Variants in PRKCE observed in about 807,000 individuals in gnomAD.
The protein encoded by PRKCE is protein kinase C epsilon.
PRKCE carries 16 observed loss-of-function variants against 85.4 expected under a neutral mutation model. The ratio of observed to expected loss-of-function variants is 0.19; its 90% CI spans 0.13 to 0.28. PRKCE has a LOEUF of 0.28. PRKCE is among the 10% of genes least tolerant of loss of function. The probability of loss-of-function intolerance (pLI) is 1.00; values close to 1 mark genes in which losing one functional copy is unlikely to be tolerated. For synonymous variants in PRKCE, 388 were observed against 371.5 expected, an observed-to-expected ratio of 1.04 and a Z score of -0.51; for missense variants, 573 against 975.2, an observed-to-expected ratio of 0.59 and a Z score of 5.49.
intron 1 of PRKCE, among the ~76,000 whole-genome samples, chr2:45,762,929 CTTTCTTTTCT>C (rs369929767): frequency 3.8e-4 from 56 of 147,324 alleles, no homozygotes; most frequent in Middle Eastern, 3.5e-3. Context: ...TTGAGGTGTT[CTTTCTTTTCT>C]TTTCTTTTCT....
chr2:45,866,236 G>A (rs1346391086), intron 2 of PRKCE, among the ~76,000 whole-genome samples: 2 of 152,098 alleles, frequency 1.3e-5, no homozygotes, highest in South Asian at 2.1e-4. Context: ...CATCTGGAAG[G>A]CTTTAAAAGA....
At chr2:45,772,944 T>G (rs1685458825) in intron 1 of PRKCE, among the ~76,000 whole-genome samples, 1 of 151,432 alleles carries the variant, frequency 6.6e-6, no homozygotes, top group Admixed American at 6.6e-5. Context: ...CCGAATGGAG[T>G]GGTGATGGCA....
At chr2:45,941,285 G>T (rs916905277) in intron 2 of PRKCE, among the ~76,000 whole-genome samples, 3 of 152,158 alleles carry the variant, frequency 2.0e-5, no homozygotes, top group Non-Finnish European at 4.4e-5. Flanking sequence ...AGCATGTGGT[G>T]CATGTGCAGT....
intron 11 of PRKCE, among the ~76,000 whole-genome samples, chr2:46,136,023 C>A (rs1458346981): frequency 6.6e-6 from 1 of 152,048 alleles, no homozygotes; most frequent in Non-Finnish European, 1.5e-5. Flanking sequence ...TGATTGACCA[C>A]AGTCATTCTC....
At chr2:46,161,377 G>C (rs1162629238) in intron 14 of PRKCE, among the ~76,000 whole-genome samples, 1 of 152,256 alleles carries the variant, frequency 6.6e-6, no homozygotes, top group African/African-American at 2.4e-5. Flanking sequence ...AGAAAAATTA[G>C]AAGTAGTGCT....
At chr2:46,072,172 A>G (rs959442717) in intron 10 of PRKCE, among the ~76,000 whole-genome samples, 7 of 152,262 alleles carry the variant, frequency 4.6e-5, no homozygotes, top group Non-Finnish European at 7.3e-5. Context: ...CTGTCATCAA[A>G]TGAAAGTATT....
At chr2:45,773,192 C>T (rs929037320) in intron 1 of PRKCE, among the ~76,000 whole-genome samples, 1 of 152,176 alleles carries the variant, frequency 6.6e-6, no homozygotes, top group African/African-American at 2.4e-5. Context: ...GACCCACAGT[C>T]TTCCAACTCT....
intron 11 of PRKCE, among the ~76,000 whole-genome samples, chr2:46,098,910 A>G (rs1162480832): frequency 6.6e-6 from 1 of 152,048 alleles, no homozygotes; most frequent in Admixed American, 6.5e-5. Flanking sequence ...TTGTTTCAAG[A>G]TGACTCAGGC....
At chr2:45,978,109 A>C (rs897404492) in intron 3 of PRKCE, 7 of 152,292 alleles carry the variant, frequency 4.6e-5, no homozygotes, top group African/African-American at 1.7e-4. Context: ...TGAGGCAGAA[A>C]TAATGCCCCA....
chr2:46,048,586 G>T (rs1708667957), intron 10 of PRKCE, among the ~76,000 whole-genome samples: 1 of 152,144 alleles, frequency 6.6e-6, no homozygotes, highest in South Asian at 2.1e-4. Context: ...TCTGTCCAGT[G>T]GTCCTTGATT....
chr2:45,733,260 T>A (rs1205179808), intron 1 of PRKCE, among the ~76,000 whole-genome samples: 1 of 152,112 alleles, frequency 6.6e-6, no homozygotes, highest in African/African-American at 2.4e-5. Context: ...CCTGTCCTGG[T>A]ACACAGTAAC....
chr2:45,941,065 T>TAAAAAAAAAAACAAAAAAAAAAAA (rs1699841282), intron 2 of PRKCE, among the ~76,000 whole-genome samples: 1 of 67,162 alleles, frequency 1.5e-5, no homozygotes, highest in Non-Finnish European at 2.6e-5. Context: ...GACTTCATCC[T>TAAAAAAAAAAACAAAAAAAAAAAA]AAAAAAAAAA....
Position 45,979,472 on chromosome 2 carries a change from G to A in PRKCE, c.607+462G>A, listed in dbSNP as rs1702712657. On this transcript the variant is annotated intron_variant, in intron 4 of 14. Coordinates refer to ENST00000306156, the MANE Select transcript of PRKCE (RefSeq NM_005400.3). ...AATCCCTTTTTTTGGTCTTGGCTGTGTGATCATTAGCTCTTAAAAATGTAA... is the reference window on the plus strand; with the variant it reads ...AATCCCTTTTTTTGGTCTTGGCTGTATGATCATTAGCTCTTAAAAATGTAA... Among the ~76,000 whole-genome samples, 3 of 152,190 alleles carry A rather than the reference G, an allele frequency of 2.0e-5. No homozygotes were observed. In the South Asian group the frequency reaches 6.2e-4, roughly 31 times the overall value.
chr2:45,919,406 G>C (rs577399534), intron 2 of PRKCE, among the ~76,000 whole-genome samples: 2 of 152,226 alleles, frequency 1.3e-5, no homozygotes, highest in Non-Finnish European at 2.9e-5. Context: ...GAAAGCCAGC[G>C]TAGGCAGTGG....
intron 11 of PRKCE, among the ~76,000 whole-genome samples, chr2:46,109,821 A>T (rs1378381157): frequency 6.6e-6 from 1 of 152,110 alleles, no homozygotes; most frequent in Non-Finnish European, 1.5e-5. Flanking sequence ...ATTAAGTATG[A>T]TATTAACAGT....
intron 2 of PRKCE, among the ~76,000 whole-genome samples, chr2:45,945,511 T>A (rs763128810): frequency 6.6e-6 from 1 of 152,068 alleles, no homozygotes; most frequent in Non-Finnish European, 1.5e-5. Context: ...ACCTCCAACA[T>A]TGGGGATTAC....
Position 45,976,538 on chromosome 2 carries a change from C to T in PRKCE, c.522C>T (p.Ala174=), listed in dbSNP as rs770835242. ...VHQVNGHKFM[A]TYLRQPTYCS... ...AGGTCAACGGCCACAAGTTCATGGC[C>T]ACCTATCTTCGGCAGCCCACCTACT... is the stretch of plus-strand genomic sequence containing the variant. Residue 174 remains alanine, a synonymous_variant, in exon 3 of 15, where the codon GCC becomes GCT. Coordinates refer to ENST00000306156, the MANE Select transcript of PRKCE (RefSeq NM_005400.3). 5 of 1,599,776 alleles carry T rather than the reference C, an allele frequency of 3.1e-6. No homozygotes were observed. The South Asian group carries it at 3.3e-5, about 11-fold the overall frequency.
At chr2:45,834,538 A>C (rs1446742148) in intron 1 of PRKCE, among the ~76,000 whole-genome samples, 2 of 152,118 alleles carry the variant, frequency 1.3e-5, no homozygotes, top group South Asian at 2.1e-4. Flanking sequence ...TTGCTGATTA[A>C]GACTCCTTCT....
chr2:46,115,267 G>A lies in PRKCE; in HGVS notation c.1592+28905G>A, dbSNP rs1029872783. Among the ~76,000 whole-genome samples, 66 of 152,202 alleles carry A rather than the reference G, an allele frequency of 4.3e-4. 1 individual carries two copies. The highest frequency in any genetic ancestry group is 1.3e-4 in the Non-Finnish European group (9 of 68,030). On this transcript the variant is annotated intron_variant, in intron 11 of 14. Coordinates refer to ENST00000306156, the MANE Select transcript of PRKCE (RefSeq NM_005400.3). ...CCATCTGGTCTTCTGCATTTCCATA[G>A]GACAGACATTCTCAGGCATTGCTGT...
Sources: gnomAD v4.1 joint callset for allele counts (sites outside exome capture counted in the v4.1 genomes callset) on GRCh38, gnomAD v4.1.1 for gene constraint, MANE v1.5 for transcripts, NCBI Gene and HGNC (gene_info 2026-07-23, HGNC 2026-07-21) for gene names.